Variants in FNDC3A observed in about 807,000 individuals in gnomAD.
FNDC3A encodes the protein fibronectin type-III domain-containing protein 3A.
Under a neutral mutation model 148.9 loss-of-function variants are expected in FNDC3A, and 32 were observed. The ratio of observed to expected loss-of-function variants is 0.21; its 90% CI spans 0.16 to 0.29. FNDC3A has a LOEUF of 0.29. FNDC3A is among the 10% of genes least tolerant of loss of function. The pLI is 1.00. For missense variants in FNDC3A, 1,191 were observed against 1,452.8 expected, an observed-to-expected ratio of 0.82 and a Z score of 2.93; for synonymous variants, 472 against 473.6, an observed-to-expected ratio of 1.00 and a Z score of 0.04.
chr13:49,199,397 G>A lies in FNDC3A; in HGVS notation c.2987+823G>A, dbSNP rs56001023. On this transcript the variant is annotated intron_variant, in intron 23 of 25. Coordinates refer to ENST00000492622, the MANE Select transcript of FNDC3A (RefSeq NM_001079673.2). ...GGCTGGAGTGCAGTGACGCGATCTCGGCTCACTGCAATCTCCGCCTCTCAG... is the reference window on the plus strand; with the variant it reads ...GGCTGGAGTGCAGTGACGCGATCTCAGCTCACTGCAATCTCCGCCTCTCAG... Among the ~76,000 whole-genome samples the A allele has an allele frequency of 2.6e-3, 384 of 148,284 alleles. 1 individual carries two copies. The highest frequency in any genetic ancestry group is 0.01 in the Middle Eastern group (3 of 290).
At chr13:48,995,665 A>T (rs1255280510) in intron 1 of FNDC3A, among the ~76,000 whole-genome samples, 1 of 152,224 alleles carries the variant, frequency 6.6e-6, no homozygotes, top group African/African-American at 2.4e-5. Context: ...GTGAACTGAA[A>T]TAATGCATGT....
At chr13:49,025,647 G>A (rs1362282363) in intron 2 of FNDC3A, among the ~76,000 whole-genome samples, 1 of 152,038 alleles carries the variant, frequency 6.6e-6, no homozygotes, top group Non-Finnish European at 1.5e-5. Context: ...GCCACAAAGG[G>A]CCTGTATGTG....
chr13:49,091,577 T>C (rs1326836090), intron 3 of FNDC3A, among the ~76,000 whole-genome samples: 2 of 152,250 alleles, frequency 1.3e-5, no homozygotes, highest in African/African-American at 4.8e-5. Context: ...ACTGTTGTCC[T>C]TCAAGAATGT....
intron 23 of FNDC3A, chr13:49,201,159 G>A (rs1378040544): frequency 1.7e-5 from 5 of 302,334 alleles, no homozygotes; most frequent in African/African-American, 8.9e-5. Flanking sequence ...ATAATGGGAT[G>A]CATTCAACTT....
At position 49,198,609 on chromosome 13, in the gene FNDC3A, T is replaced by C. The variant is rs772865222; in HGVS notation, c.2987+35T>C. Reference sequence around the variant, plus strand: ...TTTAATTGCTTCTTTATATAGTTTCTTAGGTCTTAAGTATATACATTTCTG... The same window carrying C: ...TTTAATTGCTTCTTTATATAGTTTCCTAGGTCTTAAGTATATACATTTCTG... On this transcript the variant is annotated intron_variant, in intron 23 of 25. Transcript: ENST00000492622. 2.9e-5 allele frequency: 44 copies of C among 1,501,146 alleles called. No homozygotes were observed. The South Asian group carries it at 5.0e-4, about 17-fold the overall frequency. 93.0% of individuals were successfully genotyped at this position (1,501,146 alleles called of 1,614,324 possible).
intron 3 of FNDC3A, among the ~76,000 whole-genome samples, chr13:49,092,622 T>G (rs1326126441): frequency 2.0e-5 from 3 of 152,152 alleles, no homozygotes; most frequent in Non-Finnish European, 2.9e-5. Context: ...TTCATACCTT[T>G]GTTCACATTG....
chr13:49,119,856 A>G (rs1007533547), intron 4 of FNDC3A, among the ~76,000 whole-genome samples: 16 of 152,258 alleles, frequency 1.1e-4, no homozygotes, highest in Admixed American at 3.9e-4. Context: ...GTCCAAACCT[A>G]TGTTTGATTG....
At chr13:48,993,376 C>CT (rs1463677246) in intron 1 of FNDC3A, among the ~76,000 whole-genome samples, 1 of 152,168 alleles carries the variant, frequency 6.6e-6, no homozygotes, top group Non-Finnish European at 1.5e-5. Context: ...GCCCAGGAAT[C>CT]TGTTTTAATA....
intron 5 of FNDC3A, among the ~76,000 whole-genome samples, chr13:49,132,119 T>A (rs1229575672): frequency 6.6e-6 from 1 of 152,154 alleles, no homozygotes; most frequent in Non-Finnish European, 1.5e-5. Flanking sequence ...AACCCTTACA[T>A]CAATTAGTAT....
intron 3 of FNDC3A, among the ~76,000 whole-genome samples, chr13:49,082,300 C>G (rs1197896962): frequency 6.6e-6 from 1 of 152,008 alleles, no homozygotes; most frequent in Non-Finnish European, 1.5e-5. Flanking sequence ...GCAGGAGAAT[C>G]ACTTGGACCC....
At chr13:49,182,481 A>C (rs1239241443) in intron 14 of FNDC3A, among the ~76,000 whole-genome samples, 1 of 152,080 alleles carries the variant, frequency 6.6e-6, no homozygotes, top group Non-Finnish European at 1.5e-5. Context: ...AGGCCACTAG[A>C]AAACTGAATT....
At chr13:48,989,915 C>G (rs1051248109) in intron 1 of FNDC3A, among the ~76,000 whole-genome samples, 78 of 152,152 alleles carry the variant, frequency 5.1e-4, no homozygotes, top group African/African-American at 1.7e-3. Flanking sequence ...CCATGCCCAG[C>G]TAATTTTTGT....
chr13:49,182,471 A>G (rs529692265), intron 14 of FNDC3A, among the ~76,000 whole-genome samples: 2 of 152,032 alleles, frequency 1.3e-5, no homozygotes, highest in Non-Finnish European at 2.9e-5. Context: ...CTATAATCCT[A>G]GGCCACTAGA....
intron 3 of FNDC3A, among the ~76,000 whole-genome samples, chr13:49,108,311 G>C (rs913075524): frequency 6.6e-6 from 1 of 152,140 alleles, no homozygotes; most frequent in African/African-American, 2.4e-5. Flanking sequence ...CATTGAGAAG[G>C]GGTAGAGGGT....
At chr13:49,040,846 G>C (rs982560949) in intron 2 of FNDC3A, among the ~76,000 whole-genome samples, 2 of 152,076 alleles carry the variant, frequency 1.3e-5, no homozygotes, top group African/African-American at 4.8e-5. Context: ...AGAGTTACTT[G>C]GTTTACAGGA....
intron 8 of FNDC3A, among the ~76,000 whole-genome samples, chr13:49,163,771 C>T (rs1366857313): frequency 1.3e-5 from 2 of 152,130 alleles, no homozygotes; most frequent in Non-Finnish European, 2.9e-5. Flanking sequence ...TTGGATCAGC[C>T]TCCTTAAGTA....
At chr13:49,123,667 C>G (rs902604026) in intron 4 of FNDC3A, among the ~76,000 whole-genome samples, 1 of 151,186 alleles carries the variant, frequency 6.6e-6, no homozygotes, top group African/African-American at 2.4e-5. Context: ...AAAAAACCAA[C>G]CCCATCAAAA....
intron 3 of FNDC3A, among the ~76,000 whole-genome samples, chr13:49,090,030 A>G (rs1396243843): frequency 1.3e-5 from 2 of 152,182 alleles, no homozygotes; most frequent in African/African-American, 2.4e-5. Context: ...CAATGTATGC[A>G]TGATCCAGGT....
intron 3 of FNDC3A, among the ~76,000 whole-genome samples, chr13:49,096,767 A>C (rs899758700): frequency 3.9e-5 from 6 of 152,164 alleles, no homozygotes; most frequent in African/African-American, 1.4e-4. Flanking sequence ...ACCCACAGTT[A>C]AAACAAAGAA....
Sources: gnomAD v4.1 joint callset for allele counts (sites outside exome capture counted in the v4.1 genomes callset) on GRCh38, gnomAD v4.1.1 for gene constraint, MANE v1.5 for transcripts, NCBI Gene and HGNC (gene_info 2026-07-23, HGNC 2026-07-21) for gene names.